MDM1: variants seen among roughly 807,000 people sequenced by gnomAD.
MDM1 encodes stabilizer of axonemal microtubules 6.
MDM1 carries 61 observed loss-of-function variants against 89.1 expected under a neutral mutation model. The ratio of observed to expected loss-of-function variants is 0.68; its 90% CI spans 0.56 to 0.85. The LOEUF is 0.85. Ranked by LOEUF, MDM1 falls within the 40% of genes least tolerant of loss-of-function variation. MDM1 has a pLI of 0.00. For synonymous variants in MDM1, 290 were observed against 294.1 expected (o/e 0.99, Z 0.14); for missense variants, 820 against 846.5 (o/e 0.97, Z 0.39).
intron 7 of MDM1, among the ~76,000 whole-genome samples, chr12:68,318,288 G>A (rs996594016): frequency 2.6e-5 from 4 of 152,142 alleles, no homozygotes; most frequent in Non-Finnish European, 5.9e-5. Flanking sequence ...CAGTGGGGGT[G>A]GAAGGGACAG....
At chr12:68,321,180 A>T (rs1555199587) in intron 7 of MDM1, 167 bp downstream of exon 7, 3 of 452,822 alleles carry the variant, frequency 6.6e-6, no homozygotes, top group South Asian at 1.4e-4. Context: ...ATTAAAAAAA[A>T]TGATAATTTA....
intron 7 of MDM1, among the ~76,000 whole-genome samples, chr12:68,319,978 G>A (rs181401095): frequency 6.8e-4 from 104 of 152,250 alleles, no homozygotes; most frequent in Middle Eastern, 6.8e-3. Flanking sequence ...ATCGCTGCTC[G>A]GCCTTTTGGC....
Position 68,295,059 on chromosome 12 carries a change from A to T in MDM1, c.*195T>A, listed in dbSNP as rs1871193718. 1 of 371,550 alleles carries T rather than the reference A, an allele frequency of 2.7e-6. No individual in the cohort carries two copies. Among genetic ancestry groups the T allele is most frequent in the Non-Finnish European group, 5.0e-6 (1 of 201,850 alleles). The allele number at this position is 371,550 out of a possible 1,614,324, so 23.0% of individuals were successfully genotyped here. On this transcript the variant is annotated 3_prime_UTR_variant, in exon 15 of 15. Transcript: ENST00000682720. ...TCTAGGTCTTTGTACTCTGGGATAG[A>T]TGTAAAAAGAATTCTTTAAAAGTTA...
chr12:68,314,106 C>G (rs1874115129), intron 10 of MDM1, among the ~76,000 whole-genome samples: 2 of 140,826 alleles, frequency 1.4e-5, no homozygotes, highest in South Asian at 4.4e-4. Context: ...CACTGCACTC[C>G]AGCCTGGGTG....
At position 68,315,033 on chromosome 12, in the gene MDM1, T is replaced by G; in HGVS notation, c.1444A>C (p.Arg482=). 1.9e-6 allele frequency: 3 copies of G among 1,614,216 alleles called. No individual in the cohort carries two copies. The highest frequency in any genetic ancestry group is 2.5e-6 in the Non-Finnish European group (3 of 1,180,032). ...ATAAAAGCCTGCTTGCCCGTTTTCC[T>G]GTCCCCTTCCTCTTCATTGTCGTCC... ...EEDDNEEEGD[R]KTGKQAFMGE... Residue 482 remains arginine, a synonymous_variant, in exon 10 of 15, where the codon AGG becomes CGG. Coordinates refer to ENST00000682720, the MANE Select transcript of MDM1 (RefSeq NM_001354969.2).
At chr12:68,319,994 T>A (rs1237006753) in intron 7 of MDM1, among the ~76,000 whole-genome samples, 2 of 152,218 alleles carry the variant, frequency 1.3e-5, no homozygotes, top group Non-Finnish European at 2.9e-5. Context: ...TTGGCTGAGA[T>A]CAAGCGTAGA....
intron 10 of MDM1, among the ~76,000 whole-genome samples, chr12:68,314,366 G>A (rs1320573606): frequency 6.6e-6 from 1 of 152,128 alleles, no homozygotes; most frequent in Non-Finnish European, 1.5e-5. Flanking sequence ...GGATAATGGG[G>A]AAAATCACTG....
At chr12:68,331,615 A>C (rs1876831834) in intron 1 of MDM1, among the ~76,000 whole-genome samples, 1 of 152,200 alleles carries the variant, frequency 6.6e-6, no homozygotes, top group South Asian at 2.1e-4. Flanking sequence ...GCTATTTGAT[A>C]AAGTCAACAA....
At position 68,316,579 on chromosome 12, in the gene MDM1, A is replaced by T. The variant is rs998381536; in HGVS notation, c.1035+2T>A. 7.2e-6 allele frequency: 11 copies of T among 1,534,544 alleles called. No individual in the cohort carries two copies. The highest frequency in any genetic ancestry group is 1.4e-5 in the African/African-American group (1 of 73,012). On this transcript the variant is annotated splice_donor_variant, in intron 8 of 14. Coordinates refer to ENST00000682720, the MANE Select transcript of MDM1 (RefSeq NM_001354969.2). LOFTEE classifies it high-confidence loss of function. ...GTTTTTAAAAACTCAAAAGCAACCA[A>T]CCTCAGCATACCACATGGCATTTAG...
At chr12:68,325,149 T>A (rs773655122) in intron 4 of MDM1, 214 of 1,015,316 alleles carry the variant, frequency 2.1e-4, no homozygotes, top group Middle Eastern at 1.4e-3. Context: ...AGTAAAAAAA[T>A]CTTGTAGCAT....
Position 68,325,797 on chromosome 12 carries a change from A to G in MDM1, c.499-222T>C, listed in dbSNP as rs1410436355. The G allele has an allele frequency of 5.1e-6, 6 of 1,175,752 alleles. No homozygotes were observed. The East Asian group carries it at 1.6e-4, about 32-fold the overall frequency. 72.8% of individuals were successfully genotyped at this position (1,175,752 alleles called of 1,614,324 possible). A position where few individuals can be genotyped will look rare whatever the true frequency, so the allele number is the denominator to read the frequency against. ...GTCAAACTATTTAAAATTCCTTTCTATCAAAGGACTATTAGGCATCCCAGG... is the reference window on the plus strand; with the variant it reads ...GTCAAACTATTTAAAATTCCTTTCTGTCAAAGGACTATTAGGCATCCCAGG... On this transcript the variant is annotated intron_variant, in intron 3 of 14. Coordinates refer to ENST00000682720, the MANE Select transcript of MDM1 (RefSeq NM_001354969.2).
intron 2 of MDM1, among the ~76,000 whole-genome samples, chr12:68,329,921 T>C (rs1344914147): frequency 6.6e-6 from 1 of 152,186 alleles, no homozygotes; most frequent in East Asian, 1.9e-4. Flanking sequence ...AGACTTGATT[T>C]CAAATCATGG....
In MDM1 at chr12:68,332,342, G is replaced by A. The variant is rs991154993; in HGVS notation, c.-97C>T. 1.4e-6 allele frequency: 2 copies of A among 1,412,786 alleles called. No individual in the cohort carries two copies. Among genetic ancestry groups the A allele is most frequent in the Non-Finnish European group, 1.9e-6 (2 of 1,060,530 alleles). 87.5% of individuals were successfully genotyped at this position (1,412,786 alleles called of 1,614,324 possible). A position where few individuals can be genotyped will look rare whatever the true frequency, so the allele number is the denominator to read the frequency against. The stretch of plus-strand genomic sequence containing the variant: ...AACAGTGTTCCCTAGCAAAGCCTCG[G>A]CCCGGCGTCCCCGACTACGCGCCGG... On this transcript the variant is annotated 5_prime_UTR_variant, in exon 1 of 15. Transcript: ENST00000682720.
chr12:68,313,036 T>A (rs1188640194), intron 12 of MDM1, among the ~76,000 whole-genome samples: 1 of 152,150 alleles, frequency 6.6e-6, no homozygotes, highest in African/African-American at 2.4e-5. Context: ...ATACTATGTA[T>A]TTTACCTGGT....
intron 12 of MDM1, among the ~76,000 whole-genome samples, chr12:68,308,821 G>C (rs984179028): frequency 6.6e-6 from 1 of 152,176 alleles, no homozygotes; most frequent in South Asian, 2.1e-4. Context: ...CTTGCTCAGT[G>C]CATGGTACCT....
At chr12:68,305,085 GT>G (rs1485517931) in intron 12 of MDM1, among the ~76,000 whole-genome samples, 21 of 152,182 alleles carry the variant, frequency 1.4e-4, no homozygotes, top group Admixed American at 1.3e-3. Context: ...TACTGGTTTC[GT>G]AGAATGTGTT....
chr12:68,326,490 T>A, intron 3 of MDM1, 167 bp downstream of exon 3: 1 of 1,523,100 alleles, frequency 6.6e-7, no homozygotes, highest in Non-Finnish European at 8.8e-7. Context: ...ATAGAACTAA[T>A]TCACAATAAC....
chr12:68,301,653 T>TA (rs1370130089), intron 13 of MDM1, among the ~76,000 whole-genome samples: 1 of 152,048 alleles, frequency 6.6e-6, no homozygotes, highest in East Asian at 1.9e-4. Context: ...CTTTCAAATT[T>TA]AAAGACAGAG....
At position 68,313,540 on chromosome 12, in the gene MDM1, A is replaced by G. The variant is rs1477564469; in HGVS notation, c.1652T>C (p.Leu551Ser). ...LTTPAVGGAVLVSPSKMKPPA... is the reference protein window; with the variant it reads ...LTTPAVGGAVSVSPSKMKPPA... ...AGGCTTCATCTTAGATGGAGACACT[A>G]AAACAGCACCACCTGGAAAAATAAA... The change falls in exon 12 of 15, where the codon TTA becomes TCA. Residue 551 changes from leucine (L) to serine (S), a missense_variant. Coordinates refer to ENST00000682720, the MANE Select transcript of MDM1 (RefSeq NM_001354969.2). 2.5e-6 allele frequency: 4 copies of G among 1,613,494 alleles called. No homozygotes were observed. The highest frequency in any genetic ancestry group is 1.7e-5 in the Admixed American group (1 of 59,992).
Sources: allele counts gnomAD v4.1 joint callset (sites outside exome capture counted in the v4.1 genomes callset), GRCh38; gene constraint gnomAD v4.1.1; transcripts MANE v1.5; gene names NCBI Gene and HGNC (gene_info 2026-07-23, HGNC 2026-07-21).